MAPK6: variants seen among roughly 807,000 people sequenced by gnomAD.
The protein encoded by MAPK6 is ERK-3.
Under a neutral mutation model 59.3 loss-of-function variants are expected in MAPK6, and 19 were observed. That is an observed-to-expected ratio of 0.32 (90% CI 0.22 to 0.47). The LOEUF is 0.47. Among genes scored for constraint, MAPK6 ranks in the 20% least tolerant of loss-of-function variants. The pLI is 1.00. For missense variants in MAPK6, 724 were observed against 847.9 expected (o/e 0.85, Z 1.81); for synonymous variants, 316 against 290.3 (o/e 1.09, Z -0.90).
At chr15:51,981,652 A>T (rs1171762310) in intron 1 of MAPK6, among the ~76,000 whole-genome samples, 1 of 152,008 alleles carries the variant, frequency 6.6e-6, no homozygotes, top group Admixed American at 6.6e-5. Context: ...TAGACTTTAG[A>T]CTCCTTCCTG....
chr15:52,062,486 T>C (rs2032241848), intron 5 of MAPK6, among the ~76,000 whole-genome samples: 2 of 151,994 alleles, frequency 1.3e-5, no homozygotes, highest in Admixed American at 1.3e-4. Flanking sequence ...AAAGTTTGGC[T>C]GGGCGCGGTG....
intron 2 of MAPK6, among the ~76,000 whole-genome samples, chr15:51,998,713 C>G (rs2057233491): frequency 1.0e-3 from 2 of 1,926 alleles, no homozygotes; most frequent in South Asian, 0.025. Context: ...TTTTTTGAGA[C>G]GGAGTCTCGC....
intron 3 of MAPK6, among the ~76,000 whole-genome samples, chr15:52,058,033 T>C (rs1438123594): frequency 6.6e-6 from 1 of 152,210 alleles, no homozygotes; most frequent in Non-Finnish European, 1.5e-5. Flanking sequence ...GAAAGGCAAG[T>C]GGAATTTTTA....
rs1019823899 is a variant in MAPK6, at chr15:52,066,304, T to G, written c.*1304T>G. 1 of 152,244 alleles carries G rather than the reference T, an allele frequency of 6.6e-6. No homozygotes were observed. The highest frequency in any genetic ancestry group is 1.5e-5 in the Non-Finnish European group (1 of 68,038). 9.4% of individuals were successfully genotyped at this position (152,244 alleles called of 1,614,324 possible). On this transcript the variant is annotated 3_prime_UTR_variant, in exon 6 of 6. Transcript: ENST00000261845. ...TCTTGGGTTAATGAAAATTTTCTGC[T>G]AGAATGAAAATTACTACCAGAATCA...
chr15:52,063,105 G>T (rs1237777854), intron 5 of MAPK6, among the ~76,000 whole-genome samples: 2 of 152,040 alleles, frequency 1.3e-5, no homozygotes, highest in Non-Finnish European at 1.5e-5. Flanking sequence ...GTCTCACTCT[G>T]TTGCCAGGCT....
chr15:51,990,504 G>T (rs192144470), intron 2 of MAPK6, among the ~76,000 whole-genome samples: 195 of 152,328 alleles, frequency 1.3e-3, no homozygotes, highest in African/African-American at 4.6e-3. Context: ...AATGGTATAT[G>T]ATTTGGGCAG....
At chr15:52,047,285 A>C (rs1277627024) in intron 2 of MAPK6, among the ~76,000 whole-genome samples, 1 of 152,184 alleles carries the variant, frequency 6.6e-6, no homozygotes, top group Non-Finnish European at 1.5e-5. Flanking sequence ...GTTATTTAAA[A>C]GTGGAATATA....
intron 1 of MAPK6, among the ~76,000 whole-genome samples, chr15:52,023,330 A>C (rs908557684): frequency 1.3e-5 from 2 of 151,902 alleles, no homozygotes; most frequent in African/African-American, 4.8e-5. Flanking sequence ...TGCCTTCATT[A>C]GTTCCTTCAG....
chr15:52,064,352 G>A lies in MAPK6; in HGVS notation c.1518G>A (p.Ala506=), dbSNP rs148487587. 73 of 1,611,522 alleles carry A rather than the reference G, an allele frequency of 4.5e-5. 1 individual carries two copies. Among genetic ancestry groups the A allele is most frequent in the Admixed American group, 6.7e-5 (4 of 59,946 alleles). ...ERNGLVKAQI[A]LEEASQQLAG... ...ATGGATTGGTTAAAGCCCAGATAGCGCTAGAGGAAGCATCACAGCAACTGG... is the reference window on the plus strand; with the variant it reads ...ATGGATTGGTTAAAGCCCAGATAGCACTAGAGGAAGCATCACAGCAACTGG... The change falls in exon 6 of 6, where the codon GCG becomes GCA. Residue 506 remains alanine (A), a synonymous_variant. Coordinates refer to ENST00000261845, the MANE Select transcript of MAPK6 (RefSeq NM_002748.4).
chr15:51,986,295 C>T (rs2057190938), intron 2 of MAPK6, among the ~76,000 whole-genome samples: 1 of 152,142 alleles, frequency 6.6e-6, no homozygotes, highest in Non-Finnish European at 1.5e-5. Flanking sequence ...TTGGGGATTA[C>T]AATTCAACAT....
Position 52,067,200 on chromosome 15 carries a change from G to C in MAPK6, c.*2200G>C. On this transcript the variant is annotated 3_prime_UTR_variant, in exon 6 of 6. Coordinates refer to ENST00000261845, the MANE Select transcript of MAPK6 (RefSeq NM_002748.4). ...GTTAAACTGTCACCTTGGCAGTTTA[G>C]TGGCCATCTACACAATGATCTGACT... 6.6e-6 allele frequency: 1 copy of C among 151,002 alleles called. No individual in the cohort carries two copies. Among genetic ancestry groups the C allele is most frequent in the East Asian group, 2.0e-4 (1 of 5,128 alleles). The allele number at this position is 151,002 out of a possible 1,614,324, so 9.4% of individuals were successfully genotyped here. A position where few individuals can be genotyped will look rare whatever the true frequency, so the allele number is the denominator to read the frequency against.
chr15:52,056,352 G>A (rs1376630233), intron 3 of MAPK6, among the ~76,000 whole-genome samples: 1 of 152,084 alleles, frequency 6.6e-6, no homozygotes, highest in Non-Finnish European at 1.5e-5. Flanking sequence ...AATTTTTCCA[G>A]TCTTACAAAA....
chr15:52,061,360 A>T lies in MAPK6; in HGVS notation c.927A>T (p.Glu309Asp), dbSNP rs1340782751. 6.2e-7 allele frequency: 1 copy of T among 1,614,152 alleles called. No individual in the cohort carries two copies. The highest frequency in any genetic ancestry group is 2.2e-5 in the East Asian group (1 of 44,880). The part of the protein sequence containing the change: ...FSPMDRLTAE[E>D]ALSHPYMSIY... ...CCATGGATCGGTTAACAGCAGAAGAAGCACTCTCCCATCCTTACATGAGCA... is the reference window on the plus strand; with the variant it reads ...CCATGGATCGGTTAACAGCAGAAGATGCACTCTCCCATCCTTACATGAGCA... The change falls in exon 5 of 6, where the codon GAA becomes GAT. Residue 309 changes from glutamate to aspartate, a missense_variant. Physicochemically the swap from Glu to Asp is conservative, Grantham distance 45. Coordinates refer to ENST00000261845, the MANE Select transcript of MAPK6 (RefSeq NM_002748.4).
chr15:52,022,532 G>C (rs1329748833), intron 1 of MAPK6, among the ~76,000 whole-genome samples: 1 of 152,114 alleles, frequency 6.6e-6, no homozygotes, highest in Non-Finnish European at 1.5e-5. Context: ...AGAGTGTTGG[G>C]ATTACAGGTG....
chr15:52,041,779 G>T (rs1220803261), intron 1 of MAPK6, among the ~76,000 whole-genome samples: 5 of 152,216 alleles, frequency 3.3e-5, no homozygotes, highest in Admixed American at 2.0e-4. Flanking sequence ...CTTTTTTATG[G>T]CTACCAGGCA....
intron 2 of MAPK6, among the ~76,000 whole-genome samples, chr15:52,000,635 G>A (rs138434755): frequency 0.033 from 4,998 of 152,004 alleles, 127 homozygotes; most frequent in Non-Finnish European, 0.052. Context: ...GTGAAACTCC[G>A]TCTCTACTGA....
chr15:52,031,071 G>C (rs916439045), intron 1 of MAPK6, among the ~76,000 whole-genome samples: 5 of 152,112 alleles, frequency 3.3e-5, no homozygotes, highest in Admixed American at 6.6e-5. Context: ...TGGGATTACA[G>C]GTGTGAGCCA....
intron 1 of MAPK6, chr15:52,021,599 A>G (rs1336699137): frequency 6.6e-6 from 1 of 152,182 alleles, no homozygotes; most frequent in Non-Finnish European, 1.5e-5. Flanking sequence ...CTGAAATTAA[A>G]TGTTTGATAC....
At chr15:52,022,126 C>G (rs2030558678) in intron 1 of MAPK6, among the ~76,000 whole-genome samples, 2 of 151,998 alleles carry the variant, frequency 1.3e-5, no homozygotes, top group African/African-American at 2.4e-5. Flanking sequence ...GAGTTCAAGA[C>G]CAGTCTGGGC....
Sources: allele counts gnomAD v4.1 joint callset (sites outside exome capture counted in the v4.1 genomes callset), GRCh38; gene constraint gnomAD v4.1.1; transcripts MANE v1.5; gene names NCBI Gene and HGNC (gene_info 2026-07-23, HGNC 2026-07-21).